Variants in XKR7 observed in about 807,000 individuals in gnomAD.
XKR7 encodes the protein XK related 7, also known as XK-related protein 7.
XKR7 carries 11 observed loss-of-function variants against 42.2 expected under a neutral mutation model. The ratio of observed to expected loss-of-function variants is 0.26; its 90% CI spans 0.16 to 0.43. The LOEUF (loss-of-function observed/expected upper bound fraction) is 0.43. Ranked by LOEUF, XKR7 falls within the 20% of genes least tolerant of loss-of-function variation. The probability of loss-of-function intolerance (pLI) is 1.00; values close to 1 mark genes in which losing one functional copy is unlikely to be tolerated. For missense variants in XKR7, 710 were observed against 802.2 expected, an observed-to-expected ratio of 0.89 and a Z score of 1.39; for synonymous variants, 346 against 366.4, an observed-to-expected ratio of 0.94 and a Z score of 0.64.
Position 31,968,578 on chromosome 20 carries a change from G to A in XKR7, c.403G>A (p.Gly135Ser). Residue 135 changes from glycine (G) to serine (S), a missense_variant, in exon 1 of 3, where the codon GGC (glycine) becomes AGC (serine). Around this residue, in one of 2 missense-constraint regions of XKR7, gnomAD observed 708 missense variants for 786.2 expected, o/e 0.90. Coordinates refer to ENST00000562532, the MANE Select transcript of XKR7 (RefSeq NM_001011718.2). The surrounding 1 kb of genome is among the most constrained non-coding windows in gnomAD (Gnocchi z 4.5). Reference sequence around the variant, plus strand: ...CGTCAGCACCAAGGACAGCGTAGCCGGCGGAGCCGCCATCAGCACCAAGGA... The same window carrying A: ...CGTCAGCACCAAGGACAGCGTAGCCAGCGGAGCCGCCATCAGCACCAAGGA... ...PAVSTKDSVA[G>S]GAAISTKDSA... 6.2e-7 allele frequency: 1 copy of A among 1,609,646 alleles called. No individual in the cohort carries two copies.
intron 1 of XKR7, among the ~76,000 whole-genome samples, chr20:31,989,277 C>CA (rs572620675): frequency 1.8e-5 from 2 of 111,402 alleles, no homozygotes; most frequent in Non-Finnish European, 3.8e-5. Context: ...TTTAGGACAC[C>CA]CCCCCCCCAG....
At chr20:31,972,508 G>A (rs758861770) in intron 1 of XKR7, among the ~76,000 whole-genome samples, 6 of 152,120 alleles carry the variant, frequency 3.9e-5, no homozygotes, top group Non-Finnish European at 5.9e-5. Flanking sequence ...TAAACTCTCT[G>A]AGCTGTTAAA....
At chr20:31,989,848 A>T (rs2064561395) in intron 1 of XKR7, among the ~76,000 whole-genome samples, 1 of 152,216 alleles carries the variant, frequency 6.6e-6, no homozygotes. Context: ...CCTGGGCTCA[A>T]GTGATCCTCC....
chr20:31,982,119 T>C (rs1347082863), intron 1 of XKR7, among the ~76,000 whole-genome samples: 1 of 152,248 alleles, frequency 6.6e-6, no homozygotes, highest in African/African-American at 2.4e-5. Context: ...TTAGTTAATC[T>C]TCAGGTCCCC....
intron 2 of XKR7, 137 bp from the exon 3 acceptor site, chr20:31,996,368 C>T (rs2064591291): frequency 3.2e-6 from 2 of 620,118 alleles, no homozygotes; most frequent in Admixed American, 3.5e-5. Context: ...CTTCCCCACA[C>T]CCCTGCTGAT....
At position 31,997,890 on chromosome 20, in the gene XKR7, T is replaced by G. The variant is rs1401425478; in HGVS notation, c.*433T>G. 5.7e-6 allele frequency: 1 copy of G among 174,530 alleles called. No homozygotes were observed. Among genetic ancestry groups the G allele is most frequent in the African/African-American group, 2.4e-5 (1 of 41,952 alleles). 10.8% of individuals were successfully genotyped at this position (174,530 alleles called of 1,614,324 possible). On this transcript the variant is annotated 3_prime_UTR_variant, in exon 3 of 3. Transcript: ENST00000562532. ...GCTGCCTCTATGGTGGGAAAAGATC[T>G]CTGAGAAGGATGGAGGTGGCCGTGG...
intron 1 of XKR7, among the ~76,000 whole-genome samples, chr20:31,974,444 C>T (rs1407004742): frequency 6.6e-6 from 1 of 152,190 alleles, no homozygotes; most frequent in Non-Finnish European, 1.5e-5. Context: ...ATATCCTGCA[C>T]CTGCCACTTT....
chr20:32,001,171 C>G lies in XKR7; in HGVS notation c.*3714C>G, dbSNP rs2064623353. 1 of 152,178 alleles carries G rather than the reference C, an allele frequency of 6.6e-6. No individual in the cohort carries two copies. Among genetic ancestry groups the G allele is most frequent in the Non-Finnish European group, 1.5e-5 (1 of 68,056 alleles). The allele number at this position is 152,178 out of a possible 1,614,324, so 9.4% of individuals were successfully genotyped here. On this transcript the variant is annotated 3_prime_UTR_variant, in exon 3 of 3. Transcript: ENST00000562532. ...GTTCTTCCCTTGGAATTAATCTGGA[C>G]CTGGAGTCCACAGAAGCCTCAGACA...
intron 1 of XKR7, among the ~76,000 whole-genome samples, chr20:31,984,288 G>A (rs2064527424): frequency 6.6e-6 from 1 of 151,858 alleles, no homozygotes; most frequent in African/African-American, 2.4e-5. Flanking sequence ...AGTGGGGAGT[G>A]GCCTGCCCTT....
intron 1 of XKR7, among the ~76,000 whole-genome samples, chr20:31,969,408 A>T (rs2064453824): frequency 6.6e-6 from 1 of 152,186 alleles, no homozygotes; most frequent in Non-Finnish European, 1.5e-5. Context: ...GGAATCTTGA[A>T]TCTGAGATTA....
rs1223173334 is a variant in XKR7 at position 31,995,573 on chromosome 20, C to T, written c.787+303C>T. 6.6e-6 allele frequency among the ~76,000 whole-genome samples: 1 copy of T among 152,020 alleles called. No individual in the cohort carries two copies. Among genetic ancestry groups the T allele is most frequent in the Non-Finnish European group, 1.5e-5 (1 of 67,964 alleles). On this transcript the variant is annotated intron_variant, in intron 2 of 2. Transcript: ENST00000562532. The surrounding 1 kb of genome is among the most constrained non-coding windows in gnomAD (Gnocchi z 4.1). ...CTCCCTTCCCCGTTGCCAGAGCCAA[C>T]CAAACCCCATCTCCCACCCAAACAC...
intron 1 of XKR7, among the ~76,000 whole-genome samples, chr20:31,977,674 G>A (rs2064491656): frequency 1.3e-5 from 2 of 152,274 alleles, no homozygotes; most frequent in Admixed American, 6.5e-5. Flanking sequence ...GGGCATAAGG[G>A]GTCCTAACTC....
At chr20:31,969,732 T>A (rs1211289018) in intron 1 of XKR7, among the ~76,000 whole-genome samples, 2 of 152,206 alleles carry the variant, frequency 1.3e-5, no homozygotes, top group African/African-American at 4.8e-5. Context: ...CTTATCTCAT[T>A]GTCTTATCAT....
At chr20:31,986,333 T>C (rs1325844489) in intron 1 of XKR7, among the ~76,000 whole-genome samples, 274 of 59,456 alleles carry the variant, frequency 4.6e-3, no homozygotes, top group Middle Eastern at 0.037. Context: ...ACCAAACAGA[T>C]CCAACATCCA....
chr20:31,991,302 T>TGGGAAG (rs543991870), intron 1 of XKR7, among the ~76,000 whole-genome samples: 288 of 152,146 alleles, frequency 1.9e-3, no homozygotes, highest in African/African-American at 6.8e-3. Context: ...GCCAGAGCCA[T>TGGGAAG]GGGAAGGGGA....
Position 32,002,108 on chromosome 20 carries a change from G to A in XKR7, c.*4651G>A, listed in dbSNP as rs2064627726. 6.6e-6 allele frequency: 1 copy of A among 152,308 alleles called. No homozygotes were observed. The highest frequency in any genetic ancestry group is 2.4e-5 in the African/African-American group (1 of 41,406). The allele number at this position is 152,308 out of a possible 1,614,324, so 9.4% of individuals were successfully genotyped here. Reference sequence around the variant, plus strand: ...TATGGGGAGGAAAAACTCTAGAGTGGGAGATGTGGAAGTGGAAAAGGAAGG... The same window carrying A: ...TATGGGGAGGAAAAACTCTAGAGTGAGAGATGTGGAAGTGGAAAAGGAAGG... On this transcript the variant is annotated 3_prime_UTR_variant, in exon 3 of 3. Coordinates refer to ENST00000562532, the MANE Select transcript of XKR7 (RefSeq NM_001011718.2).
At chr20:31,970,785 G>A (rs1216344637) in intron 1 of XKR7, 1 of 152,178 alleles carries the variant, frequency 6.6e-6, no homozygotes, top group Non-Finnish European at 1.5e-5. Flanking sequence ...CTAATTTACA[G>A]TTCTATAACA....
At position 31,996,867 on chromosome 20, in the gene XKR7, A is replaced by T. The variant is rs141886675; in HGVS notation, c.1150A>T (p.Met384Leu). The change falls in exon 3 of 3, where the codon ATG (methionine) becomes TTG (leucine). Residue 384 changes from methionine to leucine, a missense_variant. Transcript: ENST00000562532. Reference sequence around the variant, plus strand: ...CAAGGAGGGCCGCAGCCGCCGCCGCATGACCCTCTACCACTGCATCGTCCT... The same window carrying T: ...CAAGGAGGGCCGCAGCCGCCGCCGCTTGACCCTCTACCACTGCATCGTCCT... ...NVKEGRSRRR[M>L]TLYHCIVLLE... is the part of the protein sequence containing the mutation. The T allele has an allele frequency of 2.9e-5, 46 of 1,613,710 alleles. No homozygotes were observed. The African/African-American group carries it at 5.7e-4, about 20-fold the overall frequency.
intron 1 of XKR7, among the ~76,000 whole-genome samples, chr20:31,985,835 AAC>A (rs1167236844): frequency 8.3e-6 from 1 of 120,744 alleles, no homozygotes; most frequent in African/African-American, 3.3e-5. Context: ...CAGCATCCAA[AAC>A]ACAGACAGAC....
Sources: gnomAD v4.1 joint callset for allele counts (sites outside exome capture counted in the v4.1 genomes callset) on GRCh38, gnomAD v4.1.1 for gene constraint, gnomAD v4.1.1 regional missense constraint, Gnocchi (gnomAD v3.1) non-coding constraint, MANE v1.5 for transcripts, NCBI Gene and HGNC (gene_info 2026-07-23, HGNC 2026-07-21) for gene names.